Variants in CDH3 observed in about 807,000 individuals in gnomAD.
CDH3 encodes the protein cadherin 3, also known as cadherin-3.
CDH3 carries 54 observed loss-of-function variants against 82.0 expected under a neutral mutation model. The observed-to-expected ratio is 0.66, with a 90% CI of 0.53 to 0.83. The LOEUF (loss-of-function observed/expected upper bound fraction) is 0.83, where lower values mean the gene tolerates loss of function less well. Among genes scored for constraint, CDH3 ranks in the 40% least tolerant of loss-of-function variants. The probability of loss-of-function intolerance (pLI) is 0.00; values close to 1 mark genes in which losing one functional copy is unlikely to be tolerated. For synonymous variants in CDH3, 446 were observed against 437.9 expected (o/e 1.02, Z -0.23); for missense variants, 1,054 against 1,084.6 (o/e 0.97, Z 0.40).
At chr16:68,726,919 G>C (rs112027065) in intron 2 of CDH3, among the ~76,000 whole-genome samples, 8 of 152,170 alleles carry the variant, frequency 5.3e-5, no homozygotes, top group African/African-American at 1.9e-4. Context: ...TGACTTTTAG[G>C]TGTCAACTTG....
intron 2 of CDH3, among the ~76,000 whole-genome samples, chr16:68,648,997 A>G (rs543064966): frequency 9.2e-5 from 14 of 152,192 alleles, no homozygotes; most frequent in Admixed American, 2.0e-4. Flanking sequence ...TCTGGAGGGA[A>G]GGAAAGCCGG....
downstream of CDH3, among the ~76,000 whole-genome samples, chr16:68,731,554 A>T: frequency 7.0e-6 from 1 of 143,566 alleles, no homozygotes; most frequent in Admixed American, 7.2e-5. Flanking sequence ...ATATATATAC[A>T]ATTTGGGCGT....
At chr16:68,654,800 C>T (rs897253439) in intron 2 of CDH3, among the ~76,000 whole-genome samples, 2 of 149,878 alleles carry the variant, frequency 1.3e-5, no homozygotes, top group East Asian at 3.9e-4. Flanking sequence ...CTTTGGGAGG[C>T]CAAGGTGGGC....
At chr16:68,675,634 A>G (rs1451825469) in intron 2 of CDH3, among the ~76,000 whole-genome samples, 1 of 152,024 alleles carries the variant, frequency 6.6e-6, no homozygotes, top group African/African-American at 2.4e-5. Context: ...ATCTCTACTA[A>G]AAAACAAAAA....
intron 1 of CDH3, among the ~76,000 whole-genome samples, chr16:68,714,787 C>A (rs1329737694): frequency 2.0e-5 from 3 of 152,144 alleles, no homozygotes; most frequent in Non-Finnish European, 4.4e-5. Flanking sequence ...GAAGCGGAGG[C>A]AGGAGGATTG....
downstream of CDH3, among the ~76,000 whole-genome samples, chr16:68,704,480 A>G (rs1961936734): frequency 6.6e-6 from 1 of 152,148 alleles, no homozygotes; most frequent in African/African-American, 2.4e-5. Context: ...TGCCTGTGTC[A>G]GGTATGATTT....
rs1240521677 is a variant in CDH3 at position 68,670,168 on chromosome 16, G to A, written c.161-6217G>A. Among the ~76,000 whole-genome samples the A allele has an allele frequency of 1.0e-4, 15 of 146,502 alleles. 1 individual carries two copies. Among genetic ancestry groups the A allele is most frequent in the Non-Finnish European group, 2.1e-4 (14 of 67,370 alleles). On this transcript the variant is annotated intron_variant, in intron 2 of 15. Coordinates refer to ENST00000264012, the MANE Select transcript of CDH3 (RefSeq NM_001793.6). ...GAACCTAGAAGGCGGAGCTTGCAGT[G>A]AGCCGAGATTGCGCCACTGCACTCC...
chr16:68,682,431 C>A lies in CDH3; in HGVS notation c.1126C>A (p.His376Asn). Residue 376 changes from histidine (H) to asparagine (N), a missense_variant, in exon 9 of 16, where the codon CAT becomes AAT. His to Asn is a moderately conservative substitution (Grantham distance 68). Transcript: ENST00000264012. ...TATCATGGGCGGTGACGACGGGGACCATTTTACCATCACCACCCACCCTGA... is the reference window on the plus strand; with the variant it reads ...TATCATGGGCGGTGACGACGGGGACAATTTTACCATCACCACCCACCCTGA... ...YLIMGGDDGD[H>N]FTITTHPESN... The A allele has an allele frequency of 6.2e-7, 1 of 1,614,112 alleles. No homozygotes were observed. Among genetic ancestry groups the A allele is most frequent in the Non-Finnish European group, 8.5e-7 (1 of 1,180,038 alleles).
At chr16:68,723,164 T>A (rs1266682874) in intron 2 of CDH3, among the ~76,000 whole-genome samples, 3 of 151,992 alleles carry the variant, frequency 2.0e-5, no homozygotes, top group African/African-American at 7.2e-5. Flanking sequence ...AACTCACCAC[T>A]CAGCCCAATT....
At chr16:68,692,075 C>CTTA in intron 13 of CDH3, 149 bp downstream of exon 13, 1 of 634,050 alleles carries the variant, frequency 1.6e-6, no homozygotes, top group Non-Finnish European at 2.7e-6. Flanking sequence ...CTCACTCTGT[C>CTTA]ACCCAGGCTG....
intron 9 of CDH3, among the ~76,000 whole-genome samples, chr16:68,684,376 G>A (rs370837050): frequency 2.0e-5 from 3 of 152,178 alleles, no homozygotes; most frequent in African/African-American, 7.2e-5. Flanking sequence ...TATTAATACA[G>A]TTACTTTTAG....
chr16:68,709,277 G>T (rs769641411), intron 1 of CDH3, among the ~76,000 whole-genome samples: 11 of 152,102 alleles, frequency 7.2e-5, no homozygotes, highest in Admixed American at 1.3e-4. Context: ...GTCTCACTGT[G>T]TTGCCCAGGC....
downstream of CDH3, among the ~76,000 whole-genome samples, chr16:68,728,331 A>G (rs1375204411): frequency 6.7e-6 from 1 of 148,958 alleles, no homozygotes; most frequent in East Asian, 2.0e-4. Context: ...ACGCCCAGCT[A>G]ATTTTTTGTA....
chr16:68,727,009 C>T (rs1224169062), intron 2 of CDH3, among the ~76,000 whole-genome samples: 1 of 152,188 alleles, frequency 6.6e-6, no homozygotes, highest in Non-Finnish European at 1.5e-5. Context: ...GAAGAGACTG[C>T]TATTTGAATC....
At chr16:68,693,894 G>T (rs1961638697) in intron 13 of CDH3, among the ~76,000 whole-genome samples, 1 of 152,128 alleles carries the variant, frequency 6.6e-6, no homozygotes, top group South Asian at 2.1e-4. Flanking sequence ...CAGTTGGCCA[G>T]TTCCCCCCAT....
intron 1 of CDH3, among the ~76,000 whole-genome samples, chr16:68,720,806 A>G (rs1962153769): frequency 2.0e-5 from 3 of 151,974 alleles, no homozygotes; most frequent in Admixed American, 6.6e-5. Context: ...TTATTAGTAG[A>G]GATGGGTTTT....
downstream of CDH3, among the ~76,000 whole-genome samples, chr16:68,731,368 CAAA>C (rs869074059): frequency 9.2e-3 from 21 of 2,276 alleles, no homozygotes; most frequent in East Asian, 0.016. Context: ...AACTCCGTCT[CAAA>C]AAAAAAAAAA....
downstream of CDH3, among the ~76,000 whole-genome samples, chr16:68,700,826 C>G (rs959721818): frequency 6.6e-6 from 1 of 152,168 alleles, no homozygotes; most frequent in African/African-American, 2.4e-5. Flanking sequence ...TGCACTCCAG[C>G]CCAGGCGACA....
chr16:68,691,934 C>T lies in CDH3; in HGVS notation c.2002+8C>T. The T allele has an allele frequency of 3.1e-6, 5 of 1,605,658 alleles. No individual in the cohort carries two copies. The highest frequency in any genetic ancestry group is 4.3e-6 in the Non-Finnish European group (5 of 1,173,896). On this transcript the variant is annotated splice_region_variant and intron_variant, in intron 13 of 15. Transcript: ENST00000264012. ...CTGTCCTGGCTCTGCTGTGTGAGTA[C>T]CAGGCCCCCACCCCCTCCCTGAGGA...
Sources: allele counts gnomAD v4.1 joint callset (sites outside exome capture counted in the v4.1 genomes callset), GRCh38; gene constraint gnomAD v4.1.1; transcripts MANE v1.5; gene names NCBI Gene and HGNC (gene_info 2026-07-23, HGNC 2026-07-21).